The following UBE2E1 variants were observed in gnomAD, a reference collection of about 807,000 sequenced individuals.
The protein encoded by UBE2E1 is ubiquitin conjugating enzyme E2 E1.
Under a neutral mutation model 21.4 loss-of-function variants are expected in UBE2E1, and 6 were observed. That is an observed-to-expected ratio of 0.28 (90% CI 0.15 to 0.55). The LOEUF is 0.55. UBE2E1 is among the 20% of genes least tolerant of loss of function. The pLI is 0.93. For missense variants in UBE2E1, 142 were observed against 236.5 expected, an observed-to-expected ratio of 0.60 and a Z score of 2.62; for synonymous variants, 87 against 82.7, an observed-to-expected ratio of 1.05 and a Z score of -0.28.
intron 3 of UBE2E1, among the ~76,000 whole-genome samples, chr3:23,824,844 G>A (rs555592190): frequency 4.6e-5 from 7 of 152,186 alleles, no homozygotes; most frequent in South Asian, 4.2e-4. Context: ...TAGCCAGTTC[G>A]GTGAAGTTTT....
chr3:23,863,203 ATTCATGACAATGG>A lies in UBE2E1; in HGVS notation c.204-24363_204-24351del, dbSNP rs1700591155. On this transcript the variant is annotated intron_variant, in intron 3 of 5. Coordinates refer to ENST00000306627, the MANE Select transcript of UBE2E1 (RefSeq NM_003341.5). The surrounding 1 kb of genome is among the most constrained non-coding windows in gnomAD (Gnocchi z 4.3). ...TTTCAGTTTTTACCAATAACTCTTG[ATTCATGACAATGG>A]ATGATGACAACTTAGTTCTTTCCTA... Among the ~76,000 whole-genome samples, 1 of 152,140 alleles carries A rather than the reference ATTCATGACAATGG, an allele frequency of 6.6e-6. No individual in the cohort carries two copies. Among genetic ancestry groups the A allele is most frequent in the African/African-American group, 2.4e-5 (1 of 41,424 alleles).
chr3:23,849,115 A>AT (rs552855056), intron 3 of UBE2E1, among the ~76,000 whole-genome samples: 25 of 152,078 alleles, frequency 1.6e-4, no homozygotes, highest in African/African-American at 3.9e-4. Flanking sequence ...ATTTTATTTT[A>AT]TTTTTTTAGG....
chr3:23,812,152 A>T (rs1428547713), intron 3 of UBE2E1, among the ~76,000 whole-genome samples: 1 of 152,264 alleles, frequency 6.6e-6, no homozygotes, highest in East Asian at 1.9e-4. Flanking sequence ...TCACAGCTTT[A>T]TTTAGAGAAG....
In UBE2E1 at chr3:23,806,168, A is replaced by C. The variant is rs1575793129; in HGVS notation, c.-34+80A>C. On this transcript the variant is annotated intron_variant, in intron 1 of 5. Coordinates refer to ENST00000306627, the MANE Select transcript of UBE2E1 (RefSeq NM_003341.5). The surrounding 1 kb of genome is among the most constrained non-coding windows in gnomAD (Gnocchi z 6.5). Reference sequence around the variant, plus strand: ...GGGACACCCCTCGCCGCCTCCCCCGACTCGCGCCGCCGGGGCCGCCGGGCC... The same window carrying C: ...GGGACACCCCTCGCCGCCTCCCCCGCCTCGCGCCGCCGGGGCCGCCGGGCC... 2 of 138,812 alleles carry C rather than the reference A, an allele frequency of 1.4e-5. No homozygotes were observed. Among genetic ancestry groups the C allele is most frequent in the South Asian group, 2.3e-4 (1 of 4,258 alleles). The allele number at this position is 138,812 out of a possible 1,614,324, so 8.6% of individuals were successfully genotyped here.
At chr3:23,871,281 G>A (rs1379376940) in intron 3 of UBE2E1, among the ~76,000 whole-genome samples, 1 of 102,658 alleles carries the variant, frequency 9.7e-6, no homozygotes, top group Admixed American at 9.0e-5. Context: ...TCACCTCCCG[G>A]ACTGGGCGGC....
intron 3 of UBE2E1, among the ~76,000 whole-genome samples, chr3:23,830,092 T>C (rs1299679081): frequency 6.6e-6 from 1 of 152,198 alleles, no homozygotes; most frequent in Non-Finnish European, 1.5e-5. Context: ...GCATATATTA[T>C]TTTTCCTTTT....
chr3:23,812,148 CTTTA>C (rs1284225125), intron 3 of UBE2E1, among the ~76,000 whole-genome samples: 2 of 151,974 alleles, frequency 1.3e-5, no homozygotes, highest in African/African-American at 2.4e-5. Flanking sequence ...TTGATCACAG[CTTTA>C]TTTAGAGAAG....
In UBE2E1 at chr3:23,811,527, A is replaced by AT; in HGVS notation, c.203+23dup. 6.2e-7 allele frequency: 1 copy of AT among 1,611,822 alleles called. No individual in the cohort carries two copies. Among genetic ancestry groups the AT allele is most frequent in the Non-Finnish European group, 8.5e-7 (1 of 1,178,294 alleles). ...TAATTGCAGGTGAGTTGCTTTTCGGATTTTTTCCATTTTTAAAATTCTTCT... is the reference window on the plus strand; with the variant it reads ...TAATTGCAGGTGAGTTGCTTTTCGGATTTTTTTCCATTTTTAAAATTCTTCT... On this transcript the variant is annotated intron_variant, in intron 3 of 5. Transcript: ENST00000306627.
intron 3 of UBE2E1, among the ~76,000 whole-genome samples, chr3:23,845,366 G>A (rs1202561081): frequency 2.6e-5 from 4 of 152,156 alleles, no homozygotes; most frequent in African/African-American, 7.2e-5. Context: ...AAGGAAGAAA[G>A]CCTCTGTTTA....
At chr3:23,890,382 T>G in intron 5 of UBE2E1, 127 bp from the exon 6 acceptor site, 2 of 702,050 alleles carry the variant, frequency 2.8e-6, no homozygotes, top group South Asian at 2.3e-5. Context: ...CATGGTGGAG[T>G]GGTGTTTCGA....
At chr3:23,856,027 TTTTTCTTTTC>T (rs894364512) in intron 3 of UBE2E1, among the ~76,000 whole-genome samples, 2 of 151,844 alleles carry the variant, frequency 1.3e-5, no homozygotes, top group African/African-American at 4.8e-5. Context: ...CCCTGTGTGG[TTTTTCTTTTC>T]TTTTCTTTTT....
At chr3:23,868,093 T>G (rs768976269) in intron 3 of UBE2E1, among the ~76,000 whole-genome samples, 2 of 152,132 alleles carry the variant, frequency 1.3e-5, no homozygotes, top group Non-Finnish European at 2.9e-5. Flanking sequence ...GGAAAATAAG[T>G]CAAAAGATCT....
At position 23,858,881 on chromosome 3, in the gene UBE2E1, A is replaced by G. The variant is rs1282538732; in HGVS notation, c.204-28686A>G. Among the ~76,000 whole-genome samples the G allele has an allele frequency of 3.3e-5, 5 of 152,200 alleles. No individual in the cohort carries two copies. The East Asian group carries it at 9.6e-4, about 29-fold the overall frequency. Reference sequence around the variant, plus strand: ...GGGAGAGGAGGGTTGCCCATAGGAAATTTTTATATTGGGCCCATTTCTAAG... The same window carrying G: ...GGGAGAGGAGGGTTGCCCATAGGAAGTTTTTATATTGGGCCCATTTCTAAG... On this transcript the variant is annotated intron_variant, in intron 3 of 5. Transcript: ENST00000306627.
chr3:23,849,589 T>C (rs139695019), intron 3 of UBE2E1, among the ~76,000 whole-genome samples: 153 of 152,318 alleles, frequency 1.0e-3, no homozygotes, highest in African/African-American at 3.5e-3. Flanking sequence ...CTCCCACTTA[T>C]TTGTGAGAAC....
chr3:23,882,767 C>T (rs1701080418), intron 3 of UBE2E1, among the ~76,000 whole-genome samples: 1 of 152,222 alleles, frequency 6.6e-6, no homozygotes, highest in Admixed American at 6.5e-5. Context: ...CCCTCTGCAG[C>T]TGCTGGCTGG....
intron 3 of UBE2E1, among the ~76,000 whole-genome samples, chr3:23,838,053 T>G (rs1346596247): frequency 6.6e-6 from 1 of 152,048 alleles, no homozygotes; most frequent in East Asian, 1.9e-4. Flanking sequence ...GGGTTTATTT[T>G]CTTTATTTTT....
rs1019415859 is a variant in UBE2E1 at position 23,853,716 on chromosome 3, C to A, written c.204-33851C>A. Among the ~76,000 whole-genome samples, 1 of 152,104 alleles carries A rather than the reference C, an allele frequency of 6.6e-6. No individual in the cohort carries two copies. Among genetic ancestry groups the A allele is most frequent in the Non-Finnish European group, 1.5e-5 (1 of 68,024 alleles). On this transcript the variant is annotated intron_variant, in intron 3 of 5. Transcript: ENST00000306627. The surrounding 1 kb of genome is among the most constrained non-coding windows in gnomAD (Gnocchi z 4.1). ...TTGGTGAAAATAACTACATGTACAC[C>A]TGTAGTCTTGCTTTGTACAGGTTTT...
In UBE2E1 at chr3:23,836,395, T is replaced by C. The variant is rs1354258976; in HGVS notation, c.203+24885T>C. ...CATCAGATGTCTTCCACATGCCATG[T>C]GCTGTACTGGGGAAGACATAAACAG... On this transcript the variant is annotated intron_variant, in intron 3 of 5. Transcript: ENST00000306627. The surrounding 1 kb of genome is among the most constrained non-coding windows in gnomAD (Gnocchi z 4.1). 1.3e-5 allele frequency among the ~76,000 whole-genome samples: 2 copies of C among 152,250 alleles called. No homozygotes were observed. The highest frequency in any genetic ancestry group is 4.8e-5 in the African/African-American group (2 of 41,472).
In UBE2E1 at chr3:23,889,128, G is replaced by A; in HGVS notation, c.353G>A (p.Arg118Lys). Residue 118 changes from arginine (R) to lysine (K), a missense_variant, in exon 5 of 6, where the codon AGA becomes AAA. This residue lies in a region of UBE2E1 where 87 missense variants were observed against 184.9 expected (regional missense o/e 0.47). Transcript: ENST00000306627. ...TTTTTTTAGGTTACATTTCGGACAA[G>A]AATCTATCATTGTAATATTAACAGT... ...FKPPKVTFRT[R>K]IYHCNINSQG... The A allele has an allele frequency of 6.3e-7, 1 of 1,597,504 alleles. No individual in the cohort carries two copies. The highest frequency in any genetic ancestry group is 2.2e-5 in the East Asian group (1 of 44,574).
Sources: allele counts gnomAD v4.1 joint callset (sites outside exome capture counted in the v4.1 genomes callset), GRCh38; gene constraint gnomAD v4.1.1; regional missense constraint gnomAD v4.1.1; non-coding constraint Gnocchi (gnomAD v3.1); transcripts MANE v1.5; gene names NCBI Gene and HGNC (gene_info 2026-07-23, HGNC 2026-07-21).